The following KSR1 variants were observed in gnomAD, a reference collection of about 807,000 sequenced individuals.
KSR1 encodes the protein kinase suppressor of ras 1, also known as kinase suppressor of ras.
In KSR1, 35 loss-of-function variants were observed where a neutral mutation model predicts 92.9. The ratio of observed to expected loss-of-function variants is 0.38; its 90% CI spans 0.29 to 0.50. The LOEUF (loss-of-function observed/expected upper bound fraction) is 0.50, where lower values mean the gene tolerates loss of function less well. KSR1 is among the 20% of genes least tolerant of loss of function. The pLI is 0.94. For synonymous variants in KSR1, 467 were observed against 472.6 expected, an observed-to-expected ratio of 0.99 and a Z score of 0.15; for missense variants, 972 against 1,158.5, an observed-to-expected ratio of 0.84 and a Z score of 2.34.
intron 2 of KSR1, among the ~76,000 whole-genome samples, chr17:27,556,182 C>G (rs1055023042): frequency 6.6e-6 from 1 of 152,168 alleles, no homozygotes; most frequent in Non-Finnish European, 1.5e-5. Flanking sequence ...TTTTAAAATA[C>G]AATAAAAGCA....
chr17:27,526,938 C>T (rs1278693959), intron 1 of KSR1: 3 of 604,804 alleles, frequency 5.0e-6, no homozygotes, highest in African/African-American at 1.8e-5. Flanking sequence ...GCTGACGCTC[C>T]CTTTCACCTT....
chr17:27,611,491 C>T lies in KSR1; in HGVS notation c.2358-3C>T, dbSNP rs1308205540. 2.5e-6 allele frequency: 4 copies of T among 1,613,784 alleles called. No individual in the cohort carries two copies. The highest frequency in any genetic ancestry group is 4.5e-5 in the East Asian group (2 of 44,876). On this transcript the variant is annotated splice_region_variant and splice_polypyrimidine_tract_variant and intron_variant, in intron 17 of 20. Transcript: ENST00000644974. ...GCTCACAGACATGGCTGGGTCTCTG[C>T]AGGACTGTTTGGTATGAGCTGCAAG...
intron 1 of KSR1, among the ~76,000 whole-genome samples, chr17:27,501,280 A>AT (rs1567768215): frequency 8.2e-5 from 5 of 60,708 alleles, no homozygotes; most frequent in Admixed American, 3.3e-4. Context: ...TTTTTTTTTA[A>AT]TTTCTTTTCT....
At chr17:27,563,359 A>T (rs1465287478) in intron 2 of KSR1, among the ~76,000 whole-genome samples, 1 of 151,314 alleles carries the variant, frequency 6.6e-6, no homozygotes, top group Non-Finnish European at 1.5e-5. Flanking sequence ...CAACTCCCGG[A>T]CTCAAGTTAT....
At chr17:27,570,377 C>T (rs2072259170) in intron 2 of KSR1, among the ~76,000 whole-genome samples, 2 of 152,204 alleles carry the variant, frequency 1.3e-5, no homozygotes, top group South Asian at 4.1e-4. Context: ...AGGAGGATTG[C>T]ATGTGCTGAC....
At chr17:27,590,044 A>AGT (rs1025429666) in intron 6 of KSR1, among the ~76,000 whole-genome samples, 2 of 152,092 alleles carry the variant, frequency 1.3e-5, no homozygotes, top group African/African-American at 2.4e-5. Flanking sequence ...AAAATGCACA[A>AGT]GTGTGTGTGT....
intron 5 of KSR1, chr17:27,585,887 G>C: frequency 1.7e-6 from 1 of 596,472 alleles, no homozygotes; most frequent in Non-Finnish European, 3.0e-6. Context: ...GAGAATCAGA[G>C]ACCTTGAGCA....
intron 5 of KSR1, chr17:27,587,221 C>G (rs2073001165): frequency 6.6e-6 from 1 of 152,346 alleles, no homozygotes; most frequent in Non-Finnish European, 1.5e-5. Context: ...GGGGTGAGCC[C>G]CAGGAGGAAG....
At chr17:27,497,850 G>A (rs1308505928) in intron 1 of KSR1, among the ~76,000 whole-genome samples, 1 of 152,186 alleles carries the variant, frequency 6.6e-6, no homozygotes, top group African/African-American at 2.4e-5. Flanking sequence ...CTCCAGGAGT[G>A]ACTGAGAAAG....
chr17:27,492,999 T>A (rs1241272150), intron 1 of KSR1, among the ~76,000 whole-genome samples: 1 of 152,224 alleles, frequency 6.6e-6, no homozygotes, highest in Non-Finnish European at 1.5e-5. Flanking sequence ...GGAATGATCT[T>A]ACTTTATAGA....
intron 9 of KSR1, among the ~76,000 whole-genome samples, chr17:27,593,089 T>C (rs1486740932): frequency 1.3e-5 from 2 of 152,180 alleles, no homozygotes; most frequent in African/African-American, 4.8e-5. Flanking sequence ...GCAATTGCCA[T>C]GGCAGCCACC....
At chr17:27,557,299 G>C (rs1338848098) in intron 2 of KSR1, among the ~76,000 whole-genome samples, 1 of 152,248 alleles carries the variant, frequency 6.6e-6, no homozygotes, top group East Asian at 1.9e-4. Context: ...GTACGTGTGA[G>C]AGAGGTTGGA....
intron 2 of KSR1, among the ~76,000 whole-genome samples, chr17:27,573,887 G>A (rs1375553858): frequency 6.6e-6 from 1 of 152,238 alleles, no homozygotes; most frequent in East Asian, 1.9e-4. Context: ...CAAATAGTTT[G>A]TAATAATAAA....
At chr17:27,614,258 C>CGT (rs1233388215) in intron 18 of KSR1, among the ~76,000 whole-genome samples, 1 of 152,192 alleles carries the variant, frequency 6.6e-6, no homozygotes, top group African/African-American at 2.4e-5. Context: ...CCTGTGGCCG[C>CGT]ACCATAATGT....
rs749675139 is a variant in KSR1, at chr17:27,605,511, G to T, written c.1692G>T (p.Arg564=). 1.2e-6 allele frequency: 2 copies of T among 1,600,650 alleles called. No homozygotes were observed. The highest frequency in any genetic ancestry group is 2.7e-5 in the African/African-American group (2 of 74,880). The part of the protein sequence containing the change: ...DEVDDLPSSR[R]PWRGPISRKA... ...TGGACGACTTGCCGAGCTCTCGCCG[G>T]CCCTGGCGGGGCCCCATCTCTCGCA... Residue 564 remains arginine (R), a synonymous_variant, in exon 14 of 21, where the codon CGG becomes CGT. Coordinates refer to ENST00000644974, the MANE Select transcript of KSR1 (RefSeq NM_001394583.1).
chr17:27,506,244 C>A (rs975437700), intron 1 of KSR1, among the ~76,000 whole-genome samples: 7 of 152,146 alleles, frequency 4.6e-5, no homozygotes, highest in Admixed American at 6.5e-5. Context: ...GTGGCCTTGG[C>A]CCCTTGCTGG....
At chr17:27,528,317 T>C (rs1274368667) in intron 1 of KSR1, among the ~76,000 whole-genome samples, 1 of 152,150 alleles carries the variant, frequency 6.6e-6, no homozygotes, top group Non-Finnish European at 1.5e-5. Context: ...TCTGCCCACC[T>C]CAACCTCCCA....
chr17:27,482,166 T>C (rs1465032156), intron 1 of KSR1, among the ~76,000 whole-genome samples: 3 of 152,150 alleles, frequency 2.0e-5, no homozygotes, highest in African/African-American at 7.2e-5. Context: ...GGCTCATGCC[T>C]ATAATCCCAG....
chr17:27,551,278 C>T (rs771538392), intron 2 of KSR1, among the ~76,000 whole-genome samples: 1 of 152,168 alleles, frequency 6.6e-6, no homozygotes, highest in East Asian at 1.9e-4. Context: ...ACCTGCCAGC[C>T]AGCCAACTAA....
Sources: gnomAD v4.1 joint callset for allele counts (sites outside exome capture counted in the v4.1 genomes callset) on GRCh38, gnomAD v4.1.1 for gene constraint, MANE v1.5 for transcripts, NCBI Gene and HGNC (gene_info 2026-07-23, HGNC 2026-07-21) for gene names.